Variants in EYS observed in about 807,000 individuals in gnomAD.
EYS encodes the protein protein eyes shut homolog.
EYS carries 250 observed loss-of-function variants against 282.1 expected under a neutral mutation model. That is an observed-to-expected ratio of 0.89 (90% confidence interval 0.80 to 0.98). The LOEUF is 0.98. Ranked by LOEUF, EYS falls within the 50% of genes least tolerant of loss-of-function variation. The pLI, the probability that EYS is intolerant of heterozygous loss-of-function variation, is 0.00. For missense variants in EYS, 4,016 were observed against 3,709.0 expected, an observed-to-expected ratio of 1.08 and a Z score of -2.15; for synonymous variants, 1,355 against 1,282.9, an observed-to-expected ratio of 1.06 and a Z score of -1.20.
intron 12 of EYS, among the ~76,000 whole-genome samples, chr6:65,152,975 A>G (rs183668749): frequency 1.3e-5 from 2 of 150,756 alleles, no homozygotes; most frequent in East Asian, 3.9e-4. Flanking sequence ...CGACACTTGT[A>G]TTAGACCAAA....
intron 7 of EYS, among the ~76,000 whole-genome samples, chr6:65,384,878 A>C (rs1439696728): frequency 6.6e-6 from 1 of 151,892 alleles, no homozygotes; most frequent in Non-Finnish European, 1.5e-5. Flanking sequence ...TGCTAGCAGG[A>C]GTTAATGATG....
intron 19 of EYS, among the ~76,000 whole-genome samples, chr6:64,847,960 C>A (rs1469420970): frequency 6.6e-6 from 1 of 151,990 alleles, no homozygotes; most frequent in Admixed American, 6.6e-5. Flanking sequence ...ATGTATTTTC[C>A]TTTGAATCTG....
chr6:65,043,373 T>C (rs2150150405), intron 13 of EYS, among the ~76,000 whole-genome samples: 1 of 151,692 alleles, frequency 6.6e-6, no homozygotes, highest in African/African-American at 2.4e-5. Context: ...TATACTGGTA[T>C]ATTATTTTTA....
chr6:65,267,063 C>T (rs1334335431), intron 12 of EYS, among the ~76,000 whole-genome samples: 1 of 150,820 alleles, frequency 6.6e-6, no homozygotes, highest in African/African-American at 2.4e-5. Flanking sequence ...ACAAGTCTTG[C>T]TTCTTCCAGA....
intron 29 of EYS, among the ~76,000 whole-genome samples, chr6:64,325,616 T>C (rs1770386604): frequency 6.6e-6 from 1 of 152,076 alleles, no homozygotes; most frequent in Non-Finnish European, 1.5e-5. Flanking sequence ...ATTAAGCTAA[T>C]CAGGGAGGCA....
intron 22 of EYS, among the ~76,000 whole-genome samples, chr6:64,723,112 A>C (rs529894194): frequency 6.6e-6 from 1 of 151,520 alleles, no homozygotes; most frequent in African/African-American, 2.4e-5. Context: ...AACTGGTTTA[A>C]GAACACACAG....
chr6:64,236,523 G>A (rs9342179), intron 30 of EYS, among the ~76,000 whole-genome samples: 47,867 of 151,618 alleles, frequency 0.32, 7,525 homozygotes, highest in East Asian at 0.51. Context: ...AGGCTTCACC[G>A]TTTTACATTT....
chr6:64,740,556 T>G (rs1277913838), intron 22 of EYS, among the ~76,000 whole-genome samples: 3 of 152,100 alleles, frequency 2.0e-5, no homozygotes, highest in African/African-American at 7.2e-5. Context: ...GGAGAGACCA[T>G]AGAGCACCTA....
chr6:63,911,134 A>AAT (rs1474670552), intron 35 of EYS, among the ~76,000 whole-genome samples: 2 of 151,290 alleles, frequency 1.3e-5, no homozygotes, highest in Non-Finnish European at 3.0e-5. Context: ...AAAAAAAAAA[A>AAT]AGCCCCTGAT....
chr6:65,584,606 C>A (rs546860507), intron 2 of EYS, among the ~76,000 whole-genome samples: 1 of 151,744 alleles, frequency 6.6e-6, no homozygotes, highest in Non-Finnish European at 1.5e-5. Context: ...TACCTTCAAA[C>A]GAATCATTTT....
At chr6:65,204,837 T>C (rs1765987955) in intron 12 of EYS, among the ~76,000 whole-genome samples, 1 of 150,036 alleles carries the variant, frequency 6.7e-6, no homozygotes, top group Non-Finnish European at 1.5e-5. Flanking sequence ...TGGAAGAACG[T>C]ATTTATATAT....
At chr6:64,548,222 T>A (rs973557707) in intron 26 of EYS, among the ~76,000 whole-genome samples, 5 of 152,120 alleles carry the variant, frequency 3.3e-5, no homozygotes, top group African/African-American at 1.2e-4. Flanking sequence ...CGCTGTCACC[T>A]CTCAGTGGGA....
chr6:64,761,887 A>G (rs566998587), intron 22 of EYS, among the ~76,000 whole-genome samples: 4 of 152,342 alleles, frequency 2.6e-5, no homozygotes, highest in African/African-American at 9.6e-5. Context: ...ATGAACACAT[A>G]AAAATTACCT....
intron 26 of EYS, among the ~76,000 whole-genome samples, chr6:64,445,590 T>A (rs566519422): frequency 6.6e-6 from 1 of 152,342 alleles, no homozygotes; most frequent in South Asian, 2.1e-4. Flanking sequence ...CAGATGGATG[T>A]ATGTTTATGG....
intron 31 of EYS, among the ~76,000 whole-genome samples, chr6:64,185,568 C>A (rs567597727): frequency 1.3e-5 from 2 of 152,200 alleles, no homozygotes; most frequent in Middle Eastern, 3.4e-3. Flanking sequence ...CTACTATGAA[C>A]CTGCTTTAAA....
At chr6:65,697,892 G>A in intron 1 of EYS, among the ~76,000 whole-genome samples, 1 of 152,136 alleles carries the variant, frequency 6.6e-6, no homozygotes, top group East Asian at 1.9e-4. Context: ...ACCTACAAAT[G>A]AAGCCAATAT....
At chr6:63,876,110 G>A (rs1014934542) in intron 35 of EYS, among the ~76,000 whole-genome samples, 2 of 152,170 alleles carry the variant, frequency 1.3e-5, no homozygotes, top group East Asian at 3.8e-4. Flanking sequence ...TGGGCATTTG[G>A]TGCTATAAAT....
intron 31 of EYS, among the ~76,000 whole-genome samples, chr6:64,125,150 CTCTG>C (rs1171461992): frequency 2.0e-5 from 3 of 149,476 alleles, no homozygotes; most frequent in African/African-American, 7.7e-5. Context: ...CACACACACT[CTCTG>C]TCTCTCTCTC....
intron 26 of EYS, among the ~76,000 whole-genome samples, chr6:64,477,753 C>T (rs1425918254): frequency 1.3e-5 from 2 of 152,004 alleles, no homozygotes; most frequent in African/African-American, 4.8e-5. Context: ...CACTACTCTA[C>T]TGAGATATTG....
Sources: allele counts gnomAD v4.1 joint callset (sites outside exome capture counted in the v4.1 genomes callset), GRCh38; gene constraint gnomAD v4.1.1; transcripts MANE v1.5; gene names NCBI Gene and HGNC (gene_info 2026-07-23, HGNC 2026-07-21).